SLC4A4: variants seen among roughly 807,000 people sequenced by gnomAD.
The protein encoded by SLC4A4 is solute carrier family 4 member 4.
SLC4A4 carries 27 observed loss-of-function variants against 111.5 expected under a neutral mutation model. The observed-to-expected ratio is 0.24, with a 90% CI of 0.18 to 0.33. The LOEUF (loss-of-function observed/expected upper bound fraction) is 0.33. Ranked by LOEUF, SLC4A4 falls within the 10% of genes least tolerant of loss-of-function variation. The pLI, the probability that SLC4A4 is intolerant of heterozygous loss-of-function variation, is 1.00. For synonymous variants in SLC4A4, 443 were observed against 463.4 expected (o/e 0.96, Z 0.57); for missense variants, 909 against 1,315.5 (o/e 0.69, Z 4.78).
At chr4:71,215,391 C>G (rs560273968) in intron 1 of SLC4A4, among the ~76,000 whole-genome samples, 1 of 152,202 alleles carries the variant, frequency 6.6e-6, no homozygotes, top group Non-Finnish European at 1.5e-5. Context: ...TAATACTCTA[C>G]TCTCAGTTTC....
At chr4:71,498,303 G>A (rs1730600231) in intron 16 of SLC4A4, among the ~76,000 whole-genome samples, 1 of 152,082 alleles carries the variant, frequency 6.6e-6, no homozygotes, top group Non-Finnish European at 1.5e-5. Flanking sequence ...CCAAACTGTG[G>A]GTTCATGGAG....
chr4:71,170,111 C>A (rs906998715), intron 2 of SLC4A4, among the ~76,000 whole-genome samples: 1 of 152,192 alleles, frequency 6.6e-6, no homozygotes, highest in East Asian at 1.9e-4. Context: ...CTCCTTAGGC[C>A]TTCCCTGTCC....
chr4:71,417,845 A>G (rs921508588), intron 7 of SLC4A4, among the ~76,000 whole-genome samples: 6 of 152,152 alleles, frequency 3.9e-5, no homozygotes, highest in African/African-American at 1.4e-4. Context: ...CAGACATGTA[A>G]TGGTTTCACC....
At chr4:71,218,762 AATAATTCAT>A (rs1364962512) in intron 1 of SLC4A4, among the ~76,000 whole-genome samples, 1 of 152,188 alleles carries the variant, frequency 6.6e-6, no homozygotes, top group Non-Finnish European at 1.5e-5. Context: ...GTCAAGCTTA[AATAATTCAT>A]ATAAAGCACT....
intron 1 of SLC4A4, among the ~76,000 whole-genome samples, chr4:71,229,833 T>C (rs63214560): frequency 6.6e-5 from 10 of 150,552 alleles, no homozygotes; most frequent in South Asian, 2.1e-4. Context: ...TTTTTTTTTT[T>C]CCCAGCCCCT....
chr4:71,452,832 G>T (rs572473349), intron 11 of SLC4A4, among the ~76,000 whole-genome samples: 1 of 152,120 alleles, frequency 6.6e-6, no homozygotes, highest in Non-Finnish European at 1.5e-5. Context: ...ACCTTTTCTG[G>T]CCACTCTATC....
chr4:71,115,617 C>T (rs1743223916), intron 2 of SLC4A4, among the ~76,000 whole-genome samples: 2 of 152,098 alleles, frequency 1.3e-5, no homozygotes, highest in South Asian at 4.1e-4. Context: ...GTTTAGAGGG[C>T]AATGTGCTTT....
intron 7 of SLC4A4, among the ~76,000 whole-genome samples, chr4:71,408,599 G>A (rs1448670210): frequency 6.6e-6 from 1 of 152,166 alleles, no homozygotes; most frequent in Non-Finnish European, 1.5e-5. Context: ...ACACTGTAAA[G>A]AAATGTATGT....
chr4:71,551,888 T>C (rs1736023140), intron 20 of SLC4A4, among the ~76,000 whole-genome samples: 1 of 151,904 alleles, frequency 6.6e-6, no homozygotes, highest in East Asian at 1.9e-4. Flanking sequence ...TTTAAGGGAA[T>C]TAGGATATTA....
At chr4:71,254,060 C>T (rs1208058380) in intron 2 of SLC4A4, among the ~76,000 whole-genome samples, 5 of 152,150 alleles carry the variant, frequency 3.3e-5, no homozygotes, top group African/African-American at 1.2e-4. Flanking sequence ...TTGTATCATA[C>T]ATACTGTATG....
At chr4:71,076,809 G>A (rs1741846025) in intron 1 of SLC4A4, among the ~76,000 whole-genome samples, 1 of 151,916 alleles carries the variant, frequency 6.6e-6, no homozygotes, top group South Asian at 2.1e-4. Context: ...GGGGCAACAT[G>A]GCAAAACCAC....
At position 71,364,162 on chromosome 4, in the gene SLC4A4, G is replaced by C. The variant is rs188007145; in HGVS notation, c.730+6975G>C. ...GGGTCTTTAGTTGTTTGACATTGAAGGCCTACTTTGTAATCTTCTTTTTAA... is the reference window on the plus strand; with the variant it reads ...GGGTCTTTAGTTGTTTGACATTGAACGCCTACTTTGTAATCTTCTTTTTAA... On this transcript the variant is annotated intron_variant, in intron 6 of 25. Transcript: ENST00000264485. Among the ~76,000 whole-genome samples the C allele has an allele frequency of 3.9e-5, 6 of 152,262 alleles. No homozygotes were observed. The East Asian group carries it at 1.2e-3, about 29-fold the overall frequency.
chr4:71,282,372 G>C (rs1723591303), intron 3 of SLC4A4, among the ~76,000 whole-genome samples: 1 of 151,276 alleles, frequency 6.6e-6, no homozygotes, highest in African/African-American at 2.4e-5. Context: ...TGCAACCTCT[G>C]CCTCCTGGGT....
chr4:71,253,295 T>C (rs1472428845), intron 2 of SLC4A4, among the ~76,000 whole-genome samples: 2 of 152,124 alleles, frequency 1.3e-5, no homozygotes, highest in African/African-American at 4.8e-5. Flanking sequence ...TAGCATCTTA[T>C]CCACCCATAT....
rs753088470 is a variant in SLC4A4, at chr4:71,188,250, G to T, written c.-2+849G>T. 5.9e-5 allele frequency among the ~76,000 whole-genome samples: 9 copies of T among 152,176 alleles called. No homozygotes were observed. The East Asian group carries it at 1.5e-3, about 26-fold the overall frequency. On this transcript the variant is annotated intron_variant, in intron 1 of 25. Coordinates refer to ENST00000264485, the MANE Select transcript of SLC4A4 (RefSeq NM_001098484.3). ...ACAAAAAGAAAAACTTGAACTTGACGTGAAAGATGGAGGAAGCAGTTCTAC... is the reference window on the plus strand; with the variant it reads ...ACAAAAAGAAAAACTTGAACTTGACTTGAAAGATGGAGGAAGCAGTTCTAC...
intron 1 of SLC4A4, among the ~76,000 whole-genome samples, chr4:71,202,989 GT>G (rs1263025657): frequency 6.6e-6 from 1 of 151,800 alleles, no homozygotes; most frequent in Non-Finnish European, 1.5e-5. Flanking sequence ...ACCAGCTAAC[GT>G]TTTTTTTCCT....
At chr4:71,507,977 T>C (rs1731569475) in intron 16 of SLC4A4, among the ~76,000 whole-genome samples, 2 of 152,188 alleles carry the variant, frequency 1.3e-5, no homozygotes, top group South Asian at 4.2e-4. Flanking sequence ...AACTTGCTCC[T>C]GAATGACTTT....
intron 2 of SLC4A4, among the ~76,000 whole-genome samples, chr4:71,156,711 C>G (rs1487028169): frequency 6.6e-6 from 1 of 151,962 alleles, no homozygotes; most frequent in East Asian, 1.9e-4. Flanking sequence ...CATAACATAA[C>G]AGCCCTTGAA....
chr4:71,145,200 G>C (rs1744128743), intron 2 of SLC4A4, among the ~76,000 whole-genome samples: 1 of 152,170 alleles, frequency 6.6e-6, no homozygotes, highest in Non-Finnish European at 1.5e-5. Flanking sequence ...CATCTATTGA[G>C]ATAATCATGT....
Sources: gnomAD v4.1 joint callset for allele counts (sites outside exome capture counted in the v4.1 genomes callset) on GRCh38, gnomAD v4.1.1 for gene constraint, MANE v1.5 for transcripts, NCBI Gene and HGNC (gene_info 2026-07-23, HGNC 2026-07-21) for gene names.